AGRN: variants seen among roughly 807,000 people sequenced by gnomAD.
AGRN encodes agrin proteoglycan.
A neutral mutation model predicts 211.0 loss-of-function variants in AGRN; 106 were observed. That is an observed-to-expected ratio of 0.50 (90% CI 0.43 to 0.59). The LOEUF (loss-of-function observed/expected upper bound fraction) is 0.59. Ranked by LOEUF, AGRN falls within the 20% of genes least tolerant of loss-of-function variation. The pLI, the probability that AGRN is intolerant of heterozygous loss-of-function variation, is 0.00. For synonymous variants in AGRN, 1,525 were observed against 1,332.5 expected (o/e 1.14, Z -3.15); for missense variants, 3,040 against 2,982.6 (o/e 1.02, Z -0.45).
At chr1:1,027,134 T>C (rs541067567) in intron 2 of AGRN, among the ~76,000 whole-genome samples, 170 of 152,180 alleles carry the variant, frequency 1.1e-3, no homozygotes, top group African/African-American at 3.8e-3. Flanking sequence ...CCCAGCCCCC[T>C]CCTCCTGCAG....
At position 1,043,471 on chromosome 1, in the gene AGRN, G is replaced by A; in HGVS notation, c.1603+14G>A. 1 of 1,596,584 alleles carries A rather than the reference G, an allele frequency of 6.3e-7. No individual in the cohort carries two copies. The highest frequency in any genetic ancestry group is 8.5e-7 in the Non-Finnish European group (1 of 1,175,762). ...AAGGACCCTGTGGTCAGTGGCGGGT[G>A]AGGGGTCTGGTGGGGGTCGGGGAGA... On this transcript the variant is annotated intron_variant, in intron 8 of 35. Transcript: ENST00000379370.
At position 1,054,519 on chromosome 1, in the gene AGRN, C is replaced by T. The variant is rs147569326; in HGVS notation, c.5948C>T (p.Thr1983Met). Residue 1983 changes from threonine to methionine, a missense_variant, in exon 35 of 36, where the codon ACG becomes ATG. Physicochemically the swap from Thr to Met is moderately conservative, Grantham distance 81. Transcript: ENST00000379370. ...ACCGGCTCCTCCCCGCTGGGCGCCA[C>T]GCAGCTGGACACTGATGGAGCCCTG... ...PVTGSSPLGA[T>M]QLDTDGALWL... The T allele has an allele frequency of 1.9e-4, 303 of 1,602,664 alleles. 1 individual carries two copies. The highest frequency in any genetic ancestry group is 2.4e-4 in the Non-Finnish European group (280 of 1,175,824).
intron 2 of AGRN, among the ~76,000 whole-genome samples, chr1:1,024,780 C>T (rs948604210): frequency 3.3e-5 from 5 of 152,146 alleles, no homozygotes. Context: ...CTCAGAAAGG[C>T]TCCTCCCCCC....
intron 2 of AGRN, among the ~76,000 whole-genome samples, chr1:1,027,936 A>G (rs374238434): frequency 6.6e-6 from 1 of 152,138 alleles, no homozygotes; most frequent in African/African-American, 2.4e-5. Context: ...CTGGAGAAGC[A>G]CAAGCACAAA....
intron 33 of AGRN, 28 bp downstream of exon 33, chr1:1,051,843 G>T (rs200741877): frequency 4.3e-5 from 69 of 1,612,660 alleles, no homozygotes; most frequent in East Asian, 2.0e-4. Context: ...GCTGGCTGTC[G>T]GTTCCATCTG....
At chr1:1,049,167 G>C in intron 24 of AGRN, 69 bp from the exon 25 acceptor site, 1 of 1,290,574 alleles carries the variant, frequency 7.7e-7, no homozygotes, top group Non-Finnish European at 1.0e-6. Flanking sequence ...GACGGGGGCG[G>C]GGCAGCTCAG....
Position 1,044,267 on chromosome 1 carries a change from G to A in AGRN, c.2148+10G>A, listed in dbSNP as rs772787118. On this transcript the variant is annotated intron_variant, in intron 11 of 35. Coordinates refer to ENST00000379370, the MANE Select transcript of AGRN (RefSeq NM_198576.4). ...TGTCCCAGGCAGCCCGGTGAGCTCT[G>A]TACCCCTGGCTCTCGGCGGGCGGCG... 6.2e-7 allele frequency: 1 copy of A among 1,612,778 alleles called. No individual in the cohort carries two copies. Among genetic ancestry groups the A allele is most frequent in the South Asian group, 1.1e-5 (1 of 91,070 alleles).
In AGRN at chr1:1,041,249, C is replaced by T. The variant is rs113789806; in HGVS notation, c.804C>T (p.Ala268=). The T allele has an allele frequency of 8.4e-3, 12,638 of 1,496,312 alleles. 746 individuals carry two copies. In the African/African-American group the frequency reaches 0.14, roughly 17 times the overall value. The allele number at this position is 1,496,312 out of a possible 1,614,324, so 92.7% of individuals were successfully genotyped here. A position where few individuals can be genotyped will look rare whatever the true frequency, so the allele number is the denominator to read the frequency against. ...CGCGCTCGGCCGACGGGCTGACGGC[C>T]TCGTGCCTGTGCCCCGCGACCTGCC... ...TCARSADGLT[A]SCLCPATCRG... Residue 268 remains alanine, a synonymous_variant, in exon 5 of 36, where the codon GCC becomes GCT. Transcript: ENST00000379370.
Position 1,048,667 on chromosome 1 carries a change from T to C in AGRN, c.4106-200T>C. The stretch of plus-strand genomic sequence containing the variant: ...CGCCTGTAATCCCACCTCGTGAGGC[T>C]GAGGCAGGAGAATCGCTTGAACCTG... On this transcript the variant is annotated intron_variant, in intron 23 of 35. Coordinates refer to ENST00000379370, the MANE Select transcript of AGRN (RefSeq NM_198576.4). The surrounding 1 kb of genome is among the most constrained non-coding windows in gnomAD (Gnocchi z 5.9). The C allele has an allele frequency of 1.5e-6, 1 of 668,198 alleles. No homozygotes were observed. The allele number at this position is 668,198 out of a possible 1,614,324, so 41.4% of individuals were successfully genotyped here. A position where few individuals can be genotyped will look rare whatever the true frequency, so the allele number is the denominator to read the frequency against.
Position 1,054,687 on chromosome 1 carries a change from A to G in AGRN, c.5980+136A>G, listed in dbSNP as rs1158871163. ...GGGCTGGGCTCTCTTCTCCCGCTGT[A>G]GCCCCTGCAGTTCCCAGTGCTGTGG... On this transcript the variant is annotated intron_variant, in intron 35 of 35. Transcript: ENST00000379370. The G allele has an allele frequency of 3.4e-6, 5 of 1,479,758 alleles. No homozygotes were observed. The African/African-American group carries it at 7.0e-5, about 21-fold the overall frequency. The allele number at this position is 1,479,758 out of a possible 1,614,324, so 91.7% of individuals were successfully genotyped here.
intron 7 of AGRN, among the ~76,000 whole-genome samples, chr1:1,042,769 G>T (rs891555472): frequency 2.0e-5 from 3 of 152,056 alleles, no homozygotes; most frequent in South Asian, 2.1e-4. Context: ...GGTGCGGCAG[G>T]GGGGGTGGCT....
chr1:1,053,509 C>G, intron 33 of AGRN: 1 of 1,525,370 alleles, frequency 6.6e-7, no homozygotes. Context: ...CACGTGGCAG[C>G]AGTGCCTGCA....
chr1:1,022,555 G>C, intron 2 of AGRN, 93 bp downstream of exon 2: 11 of 1,070,938 alleles, frequency 1.0e-5, no homozygotes, highest in Non-Finnish European at 1.4e-5. Flanking sequence ...GGGTCCTTTC[G>C]TGCTGTGCCG....
rs969482910 is a variant in AGRN at position 1,055,970 on chromosome 1, C to A, written c.*989C>A. ...GCAACGTCCCGTCCCTTCCCCACCCCCATCCCATCCCCACCCCCAGCCCCA... is the reference window on the plus strand; with the variant it reads ...GCAACGTCCCGTCCCTTCCCCACCCACATCCCATCCCCACCCCCAGCCCCA... On this transcript the variant is annotated 3_prime_UTR_variant, in exon 36 of 36. Coordinates refer to ENST00000379370, the MANE Select transcript of AGRN (RefSeq NM_198576.4). 2 of 152,286 alleles carry A rather than the reference C, an allele frequency of 1.3e-5. No individual in the cohort carries two copies. Among genetic ancestry groups the A allele is most frequent in the African/African-American group, 4.8e-5 (2 of 41,460 alleles). 9.4% of individuals were successfully genotyped at this position (152,286 alleles called of 1,614,324 possible). A position where few individuals can be genotyped will look rare whatever the true frequency, so the allele number is the denominator to read the frequency against.
chr1:1,045,564 C>T, intron 14 of AGRN, 41 bp downstream of exon 14: 2 of 1,608,734 alleles, frequency 1.2e-6, no homozygotes, highest in African/African-American at 1.3e-5. Flanking sequence ...GCTATGCCCT[C>T]CTACCTGTTC....
At chr1:1,033,821 C>G (rs1644732967) in intron 2 of AGRN, among the ~76,000 whole-genome samples, 1 of 149,626 alleles carries the variant, frequency 6.7e-6, no homozygotes, top group Non-Finnish European at 1.5e-5. Flanking sequence ...CAGCCCCAGC[C>G]CCAGCCCCAG....
Position 1,049,026 on chromosome 1 carries a change from C to A in AGRN, c.4265C>A (p.Ala1422Glu). Residue 1422 changes from alanine (A) to glutamate (E), a missense_variant, in exon 24 of 36, where the codon GCA (alanine) becomes GAA (glutamate). This residue lies in a region of AGRN where 1,537 missense variants were observed against 1,505.0 expected (regional missense o/e 1.02). Coordinates refer to ENST00000379370, the MANE Select transcript of AGRN (RefSeq NM_198576.4). ...NGNARGKDFL[A>E]LALLDGRVQL... ...AACGCCCGGGGCAAGGACTTCCTGG[C>A]ATTGGCGCTGCTAGATGGCCGCGTG... The A allele has an allele frequency of 6.4e-7, 1 of 1,572,816 alleles. No homozygotes were observed. The highest frequency in any genetic ancestry group is 8.6e-7 in the Non-Finnish European group (1 of 1,162,334).
At chr1:1,041,152 C>T (rs776704432) in intron 4 of AGRN, 21 bp from the exon 5 acceptor site, 1 of 1,359,746 alleles carries the variant, frequency 7.4e-7, no homozygotes, top group Admixed American at 3.5e-5. Flanking sequence ...GCCCGTCTGA[C>T]CGGCAAAGCC....
chr1:1,045,560 C>A, intron 14 of AGRN, 37 bp downstream of exon 14: 1 of 1,608,828 alleles, frequency 6.2e-7, no homozygotes, highest in South Asian at 1.1e-5. Context: ...ACCGGCTATG[C>A]CCTCCTACCT....
Sources: allele counts gnomAD v4.1 joint callset (sites outside exome capture counted in the v4.1 genomes callset), GRCh38; gene constraint gnomAD v4.1.1; regional missense constraint gnomAD v4.1.1; non-coding constraint Gnocchi (gnomAD v3.1); transcripts MANE v1.5; gene names NCBI Gene and HGNC (gene_info 2026-07-23, HGNC 2026-07-21).